Variants in FAM169A observed in about 807,000 individuals in gnomAD.
FAM169A encodes the protein family with sequence similarity 169 member A.
FAM169A carries 24 observed loss-of-function variants against 75.7 expected under a neutral mutation model. The observed-to-expected ratio is 0.32, with a 90% CI of 0.23 to 0.45. The LOEUF is 0.45. Ranked by LOEUF, FAM169A falls within the 20% of genes least tolerant of loss-of-function variation. FAM169A has a pLI of 1.00. For synonymous variants in FAM169A, 271 were observed against 271.0 expected (o/e 1.00, Z 0.00); for missense variants, 673 against 784.0 (o/e 0.86, Z 1.69).
chr5:74,804,526 A>T lies in FAM169A; in HGVS notation c.879T>A (p.Thr293=). The change falls in exon 8 of 13, where the codon ACT becomes ACA. Residue 293 remains threonine, a synonymous_variant. Transcript: ENST00000687041. Reference sequence around the variant, plus strand: ...GCATCTCACTAGACTGATTGTCTTCAGTTCTTGCTTCGTATTCTGGAACAG... The same window carrying T: ...GCATCTCACTAGACTGATTGTCTTCTGTTCTTGCTTCGTATTCTGGAACAG... The part of the protein sequence containing the change: ...PASVPEYEAR[T]EDNQSSEMQL... The T allele has an allele frequency of 6.2e-7, 1 of 1,609,902 alleles. No individual in the cohort carries two copies. The highest frequency in any genetic ancestry group is 1.3e-5 in the African/African-American group (1 of 74,992).
intron 10 of FAM169A, 32 bp downstream of exon 10, chr5:74,800,848 A>G: frequency 1.6e-6 from 2 of 1,289,102 alleles, no homozygotes; most frequent in Middle Eastern, 2.1e-4. Context: ...AAGTACAAAT[A>G]AAAAATGAGA....
chr5:74,795,063 G>A (rs1198060158), intron 11 of FAM169A, among the ~76,000 whole-genome samples: 1 of 152,024 alleles, frequency 6.6e-6, no homozygotes, highest in East Asian at 1.9e-4. Flanking sequence ...TTTGAGACCA[G>A]CCTGGCCAAA....
rs781776856 is a variant in FAM169A, at chr5:74,813,874, G to A, written c.636C>T (p.Gly212=). Residue 212 remains glycine (G), a synonymous_variant, in exon 6 of 13, where the codon GGC becomes GGT. Coordinates refer to ENST00000687041, the MANE Select transcript of FAM169A (RefSeq NM_001376049.1). ...TGAGAGAAGACAGTGGATACCGCAA[G>A]CCAAGCGCATCTTCTGTAAAGGAAT... ...FVDSFTEDAL[G]LRYPLSSLMY... The A allele has an allele frequency of 6.9e-6, 11 of 1,600,376 alleles. No individual in the cohort carries two copies. Among genetic ancestry groups the A allele is most frequent in the Non-Finnish European group, 9.4e-6 (11 of 1,176,184 alleles).
At chr5:74,820,778 A>C (rs1435052208) in intron 5 of FAM169A, among the ~76,000 whole-genome samples, 1 of 152,172 alleles carries the variant, frequency 6.6e-6, no homozygotes, top group African/African-American at 2.4e-5. Context: ...TCCTATACCC[A>C]AAACCCTTCA....
chr5:74,806,281 G>A (rs1746879044), intron 6 of FAM169A, among the ~76,000 whole-genome samples: 1 of 152,150 alleles, frequency 6.6e-6, no homozygotes, highest in Non-Finnish European at 1.5e-5. Context: ...CCAAATGACA[G>A]AAAAGGCATT....
chr5:74,794,966 A>C (rs565098059), intron 11 of FAM169A, among the ~76,000 whole-genome samples: 1 of 151,594 alleles, frequency 6.6e-6, no homozygotes, highest in South Asian at 2.1e-4. Flanking sequence ...TAACTTAAGA[A>C]AACAAAATTA....
At chr5:74,833,656 G>A (rs1270400548) in intron 5 of FAM169A, among the ~76,000 whole-genome samples, 1 of 152,160 alleles carries the variant, frequency 6.6e-6, no homozygotes, top group East Asian at 1.9e-4. Context: ...TGGAAAATCT[G>A]AAATGGAAAT....
intron 1 of FAM169A, chr5:74,865,524 CA>C (rs1750276186): frequency 6.6e-6 from 1 of 152,254 alleles, no homozygotes; most frequent in African/African-American, 2.4e-5. Context: ...ATAAACCACC[CA>C]GGGTTCAAGG....
Position 74,814,045 on chromosome 5 carries a change from A to G in FAM169A, c.491-26T>C, listed in dbSNP as rs780484888. On this transcript the variant is annotated intron_variant, in intron 5 of 12. Coordinates refer to ENST00000687041, the MANE Select transcript of FAM169A (RefSeq NM_001376049.1). ...CTGCAGTAATAAGAACAGAAACCCA[A>G]TAATTTCTCACATTAAAAAATATAC... 10 of 1,450,976 alleles carry G rather than the reference A, an allele frequency of 6.9e-6. No individual in the cohort carries two copies. In the Admixed American group the frequency reaches 7.8e-5, roughly 11 times the overall value. 89.9% of individuals were successfully genotyped at this position (1,450,976 alleles called of 1,614,324 possible). A position where few individuals can be genotyped will look rare whatever the true frequency, so the allele number is the denominator to read the frequency against.
At chr5:74,805,310 A>T in intron 6 of FAM169A, 26 bp from the exon 7 acceptor site, 1 of 1,604,738 alleles carries the variant, frequency 6.2e-7, no homozygotes, top group Non-Finnish European at 8.5e-7. Flanking sequence ...AGAATTTTCT[A>T]GAAATCCCAA....
chr5:74,835,524 C>T (rs542447709), intron 4 of FAM169A, among the ~76,000 whole-genome samples: 3 of 147,062 alleles, frequency 2.0e-5, no homozygotes, highest in Admixed American at 7.0e-5. Context: ...ATCACTTGAG[C>T]GCAAGAGGTT....
intron 1 of FAM169A, among the ~76,000 whole-genome samples, chr5:74,857,572 G>GAA (rs35476827): frequency 0.028 from 1,547 of 55,910 alleles, 49 homozygotes; most frequent in Non-Finnish European, 0.044. Flanking sequence ...CTTGCCGCGG[G>GAA]AAAAAAAAAA....
intron 5 of FAM169A, among the ~76,000 whole-genome samples, chr5:74,816,402 T>G (rs966976823): frequency 6.6e-6 from 1 of 152,158 alleles, no homozygotes; most frequent in African/African-American, 2.4e-5. Flanking sequence ...CACAGAAACA[T>G]TCCTTCTAGT....
intron 12 of FAM169A, 120 bp downstream of exon 12, chr5:74,782,807 AAGTT>A: frequency 3.5e-6 from 2 of 569,372 alleles, no homozygotes; most frequent in Non-Finnish European, 6.1e-6. Flanking sequence ...TCTAGTATAA[AAGTT>A]AATCTTCCTA....
intron 4 of FAM169A, among the ~76,000 whole-genome samples, chr5:74,836,765 T>C (rs1257210259): frequency 6.6e-6 from 1 of 152,114 alleles, no homozygotes; most frequent in Non-Finnish European, 1.5e-5. Context: ...CTGGCCAACA[T>C]GGCGAAACCG....
intron 2 of FAM169A, among the ~76,000 whole-genome samples, chr5:74,840,643 C>T (rs1748811626): frequency 6.6e-6 from 1 of 151,166 alleles, no homozygotes; most frequent in Non-Finnish European, 1.5e-5. Flanking sequence ...TCCTGGCTAA[C>T]ACAGTGAAAC....
intron 4 of FAM169A, among the ~76,000 whole-genome samples, chr5:74,837,773 G>A (rs532695014): frequency 2.0e-5 from 3 of 152,168 alleles, no homozygotes; most frequent in African/African-American, 7.2e-5. Flanking sequence ...GCCTATCCTA[G>A]AAGTGTTCTA....
intron 1 of FAM169A, among the ~76,000 whole-genome samples, chr5:74,855,815 G>T (rs2112728971): frequency 1.3e-5 from 2 of 152,292 alleles, no homozygotes. Context: ...TTTCTGCTTT[G>T]ATTGCCTGTC....
chr5:74,826,628 T>C (rs1580132419), intron 5 of FAM169A, among the ~76,000 whole-genome samples: 1 of 152,322 alleles, frequency 6.6e-6, no homozygotes, highest in South Asian at 2.1e-4. Flanking sequence ...TGACATATTG[T>C]TGACTTTTAA....
Sources: allele counts gnomAD v4.1 joint callset (sites outside exome capture counted in the v4.1 genomes callset), GRCh38; gene constraint gnomAD v4.1.1; transcripts MANE v1.5; gene names NCBI Gene and HGNC (gene_info 2026-07-23, HGNC 2026-07-21).